The following VWA8 variants were observed in gnomAD, a reference collection of about 807,000 sequenced individuals.
VWA8 encodes the protein von Willebrand factor A domain-containing protein 8.
Under a neutral mutation model 241.5 loss-of-function variants are expected in VWA8, and 221 were observed. That is an observed-to-expected ratio of 0.91 (90% confidence interval 0.82 to 1.02). The LOEUF (loss-of-function observed/expected upper bound fraction) is 1.02. VWA8 is among the 50% of genes least tolerant of loss of function. VWA8 has a pLI of 0.00. For missense variants in VWA8, 2,322 were observed against 2,328.7 expected (o/e 1.00, Z 0.06); for synonymous variants, 852 against 827.1 (o/e 1.03, Z -0.52).
At chr13:41,866,111 G>A in intron 10 of VWA8, 75 bp from the exon 11 acceptor site, 3 of 1,551,818 alleles carry the variant, frequency 1.9e-6, no homozygotes, top group Non-Finnish European at 2.6e-6. Flanking sequence ...ACTTTGGGAG[G>A]CCAAGGCAGG....
At chr13:41,901,158 G>C (rs1451414860) in intron 4 of VWA8, among the ~76,000 whole-genome samples, 2 of 147,388 alleles carry the variant, frequency 1.4e-5, no homozygotes, top group East Asian at 4.0e-4. Context: ...TGTTACCCAG[G>C]CTGGATTGCA....
intron 1 of VWA8, among the ~76,000 whole-genome samples, chr13:41,952,284 A>G (rs1486386512): frequency 2.0e-5 from 3 of 152,136 alleles, no homozygotes; most frequent in Non-Finnish European, 4.4e-5. Context: ...ACCCTCAAAA[A>G]ACAGGTGGTC....
chr13:41,769,348 T>C (rs765640190), intron 20 of VWA8, among the ~76,000 whole-genome samples: 2 of 152,306 alleles, frequency 1.3e-5, no homozygotes, highest in East Asian at 3.9e-4. Context: ...AGAAAAATGA[T>C]ATGCAAAAGA....
chr13:41,934,510 C>T (rs577240330), intron 2 of VWA8, among the ~76,000 whole-genome samples: 1 of 152,110 alleles, frequency 6.6e-6, no homozygotes, highest in South Asian at 2.1e-4. Context: ...ATGTTGAGAG[C>T]AGCTTTATTT....
At chr13:41,652,209 A>C (rs979149449) in intron 37 of VWA8, among the ~76,000 whole-genome samples, 3 of 152,172 alleles carry the variant, frequency 2.0e-5, no homozygotes, top group African/African-American at 7.2e-5. Flanking sequence ...AAATTCTACT[A>C]AGCAGAGACA....
chr13:41,743,152 G>A (rs572718725), intron 21 of VWA8, among the ~76,000 whole-genome samples: 4 of 152,290 alleles, frequency 2.6e-5, no homozygotes, highest in Admixed American at 2.6e-4. Flanking sequence ...TGGAAGACAA[G>A]TGAAACAGAT....
intron 6 of VWA8, 124 bp from the exon 7 acceptor site, chr13:41,886,954 T>C: frequency 2.3e-6 from 2 of 880,686 alleles, no homozygotes; most frequent in Non-Finnish European, 3.4e-6. Context: ...CAGCAAAAAA[T>C]CATTTATTGA....
intron 37 of VWA8, among the ~76,000 whole-genome samples, chr13:41,618,085 G>C (rs954038308): frequency 3.9e-5 from 6 of 152,142 alleles, no homozygotes; most frequent in Non-Finnish European, 7.3e-5. Flanking sequence ...CTAGTTTACA[G>C]TCCCACCAAC....
intron 37 of VWA8, among the ~76,000 whole-genome samples, chr13:41,646,800 A>G (rs2044835328): frequency 6.6e-6 from 1 of 152,360 alleles, no homozygotes; most frequent in East Asian, 1.9e-4. Context: ...ATCTTTCAGA[A>G]GGTTAGTAAA....
In VWA8 at chr13:41,671,163, C is replaced by G. The variant is rs200645898; in HGVS notation, c.4410-16G>C. 9 of 1,613,120 alleles carry G rather than the reference C, an allele frequency of 5.6e-6. No homozygotes were observed. The African/African-American group carries it at 1.2e-4, about 22-fold the overall frequency. On this transcript the variant is annotated splice_polypyrimidine_tract_variant and intron_variant, in intron 36 of 44. Transcript: ENST00000379310. ...AGATTCTGATCTGGAAAAAGGAATC[C>G]AAGTGAAGCTAAGAGACCACAAAAA...
At chr13:41,684,329 T>C (rs919533515) in intron 35 of VWA8, among the ~76,000 whole-genome samples, 1 of 151,808 alleles carries the variant, frequency 6.6e-6, no homozygotes, top group Non-Finnish European at 1.5e-5. Flanking sequence ...AGATAATATA[T>C]CACTACCACT....
In VWA8 at chr13:41,849,622, C is replaced by T. The variant is rs553328790; in HGVS notation, c.1426-16091G>A. 3.0e-3 allele frequency among the ~76,000 whole-genome samples: 450 copies of T among 152,274 alleles called. 4 individuals carry two copies. Among genetic ancestry groups the T allele is most frequent in the African/African-American group, 0.011 (437 of 41,546 alleles). Reference sequence around the variant, plus strand: ...GAAGTGCATAGGTCAGGCACGGTGGCTCGTGCCTGTAATCCCAGCACTTTG... The same window carrying T: ...GAAGTGCATAGGTCAGGCACGGTGGTTCGTGCCTGTAATCCCAGCACTTTG... On this transcript the variant is annotated intron_variant, in intron 12 of 44. Coordinates refer to ENST00000379310, the MANE Select transcript of VWA8 (RefSeq NM_015058.2).
chr13:41,868,931 AAAAAGTTAACG>A (rs1761695210), intron 9 of VWA8, among the ~76,000 whole-genome samples: 1 of 151,672 alleles, frequency 6.6e-6, no homozygotes, highest in Admixed American at 6.6e-5. Flanking sequence ...TAGAGGTTAA[AAAAAGTTAACG>A]AAAATTTTTT....
chr13:41,806,479 G>A (rs771129460), intron 17 of VWA8, among the ~76,000 whole-genome samples: 5 of 152,116 alleles, frequency 3.3e-5, no homozygotes, highest in African/African-American at 4.8e-5. Context: ...TGAGGCCAGC[G>A]GATCACAAGG....
intron 17 of VWA8, among the ~76,000 whole-genome samples, chr13:41,800,664 G>A (rs1869910641): frequency 6.6e-6 from 1 of 151,494 alleles, no homozygotes; most frequent in East Asian, 1.9e-4. Context: ...GTGGTGATGG[G>A]TGCCTGTAGT....
chr13:41,807,467 C>T (rs923129641), intron 17 of VWA8, among the ~76,000 whole-genome samples: 3 of 152,244 alleles, frequency 2.0e-5, no homozygotes, highest in Admixed American at 2.0e-4. Context: ...CCAAACTCAA[C>T]AACACATTAT....
At chr13:41,953,571 C>T (rs149130351) in intron 1 of VWA8, among the ~76,000 whole-genome samples, 12 of 152,096 alleles carry the variant, frequency 7.9e-5, no homozygotes, top group African/African-American at 2.9e-4. Context: ...TTTGGGAGGC[C>T]GAGGTGGGTG....
At chr13:41,919,063 C>T (rs1384075696) in intron 2 of VWA8, among the ~76,000 whole-genome samples, 1 of 151,878 alleles carries the variant, frequency 6.6e-6, no homozygotes, top group African/African-American at 2.4e-5. Flanking sequence ...AAAACCAAGC[C>T]AAACAAATGA....
chr13:41,823,732 T>A (rs1871061307), intron 14 of VWA8, among the ~76,000 whole-genome samples: 2 of 152,078 alleles, frequency 1.3e-5, no homozygotes, highest in African/African-American at 4.8e-5. Flanking sequence ...CTTCTAAGGG[T>A]ATGTTAGGCA....
Sources: allele counts gnomAD v4.1 joint callset (sites outside exome capture counted in the v4.1 genomes callset), GRCh38; gene constraint gnomAD v4.1.1; transcripts MANE v1.5; gene names NCBI Gene and HGNC (gene_info 2026-07-23, HGNC 2026-07-21).